The following CHN2 variants were observed in gnomAD, a reference collection of about 807,000 sequenced individuals.
CHN2 encodes beta-chimaerin.
In CHN2, 35 loss-of-function variants were observed where a neutral mutation model predicts 56.3. The ratio of observed to expected loss-of-function variants is 0.62; its 90% confidence interval spans 0.47 to 0.82. The LOEUF (loss-of-function observed/expected upper bound fraction) is 0.82. CHN2 is among the 40% of genes least tolerant of loss of function. The pLI, the probability that CHN2 is intolerant of heterozygous loss-of-function variation, is 0.00. For missense variants in CHN2, 491 were observed against 580.5 expected (o/e 0.85, Z 1.58); for synonymous variants, 210 against 212.8 (o/e 0.99, Z 0.12).
At chr7:29,472,405 G>A (rs1348096205) in intron 6 of CHN2, among the ~76,000 whole-genome samples, 2 of 152,062 alleles carry the variant, frequency 1.3e-5, no homozygotes, top group Non-Finnish European at 2.9e-5. Flanking sequence ...TGAAAACAAA[G>A]GAAAGTGTAG....
At chr7:29,243,187 A>G (rs1052061422) in intron 1 of CHN2, among the ~76,000 whole-genome samples, 3 of 152,116 alleles carry the variant, frequency 2.0e-5, no homozygotes, top group South Asian at 2.1e-4. Context: ...AATTTTTTCA[A>G]TTTTTTTAAT....
In CHN2 at chr7:29,297,218, C is replaced by T. The variant is rs191487110; in HGVS notation, c.50-57407C>T. 2.0e-5 allele frequency among the ~76,000 whole-genome samples: 3 copies of T among 152,314 alleles called. No individual in the cohort carries two copies. In the East Asian group the frequency reaches 5.8e-4, roughly 29 times the overall value. Reference sequence around the variant, plus strand: ...TTGAATCCCAGGTTCCACCCTGGAACAGGAGGGGCCAGGCTCCTCGCCCCT... The same window carrying T: ...TTGAATCCCAGGTTCCACCCTGGAATAGGAGGGGCCAGGCTCCTCGCCCCT... On this transcript the variant is annotated intron_variant, in intron 1 of 12. Transcript: ENST00000222792.
At chr7:29,362,425 G>T (rs1798810071) in intron 2 of CHN2, among the ~76,000 whole-genome samples, 1 of 152,214 alleles carries the variant, frequency 6.6e-6, no homozygotes, top group Admixed American at 6.5e-5. Flanking sequence ...GAAAAGGGCA[G>T]CATTTCTTCT....
intron 7 of CHN2, among the ~76,000 whole-genome samples, chr7:29,487,501 T>G (rs2128555028): frequency 6.6e-6 from 1 of 152,264 alleles, no homozygotes; most frequent in East Asian, 1.9e-4. Flanking sequence ...TTTCAAGTAA[T>G]ATAACCCCTG....
intron 2 of CHN2, among the ~76,000 whole-genome samples, chr7:29,175,896 A>G (rs926367378): frequency 3.3e-5 from 5 of 152,188 alleles, no homozygotes; most frequent in African/African-American, 1.2e-4. Flanking sequence ...CATAATTGAA[A>G]AAAAGACCAG....
chr7:29,209,972 G>A (rs1784793664), intron 1 of CHN2, among the ~76,000 whole-genome samples: 1 of 152,142 alleles, frequency 6.6e-6, no homozygotes. Context: ...TAAGTCTATG[G>A]TAGTTCTTTC....
chr7:29,233,927 G>C (rs533646157), intron 1 of CHN2, among the ~76,000 whole-genome samples: 4 of 130,258 alleles, frequency 3.1e-5, no homozygotes, highest in South Asian at 2.7e-4. Context: ...TCCGCCTCCC[G>C]GGTTCACGCC....
At chr7:29,217,489 A>C (rs927410201) in intron 1 of CHN2, among the ~76,000 whole-genome samples, 1 of 152,226 alleles carries the variant, frequency 6.6e-6, no homozygotes, top group Admixed American at 6.5e-5. Context: ...TAATACAAGC[A>C]CTTGGCACTT....
At chr7:29,155,551 C>T (rs73304186) in intron 2 of CHN2, among the ~76,000 whole-genome samples, 8,704 of 152,196 alleles carry the variant, frequency 0.057, 620 homozygotes, top group East Asian at 0.17. Flanking sequence ...TACTGAGTGT[C>T]AGAACTGGAA....
At chr7:29,350,703 C>T (rs1018110369) in intron 1 of CHN2, among the ~76,000 whole-genome samples, 7 of 152,106 alleles carry the variant, frequency 4.6e-5, no homozygotes, top group African/African-American at 1.4e-4. Flanking sequence ...AGGATCAGGG[C>T]GAGGTGATGT....
Position 29,398,374 on chromosome 7 carries a change from T to C in CHN2, c.178T>C (p.Phe60Leu). 1 of 1,610,024 alleles carries C rather than the reference T, an allele frequency of 6.2e-7. No homozygotes were observed. The highest frequency in any genetic ancestry group is 1.3e-5 in the African/African-American group (1 of 74,972). Reference protein sequence around the residue: ...ENRPKYYGREFHGIISREQAD... With the variant: ...ENRPKYYGRELHGIISREQAD... ...GCATTGATGGTCTTGTACCTTCAGG[T>C]TTCATGGGATCATCTCTCGGGAGCA... Residue 60 changes from phenylalanine (F) to leucine (L), a missense_variant and splice_region_variant, in exon 5 of 13, where the codon TTT (phenylalanine) becomes CTT (leucine). Transcript: ENST00000222792.
chr7:29,511,462 A>G (rs1036727152), intron 12 of CHN2, among the ~76,000 whole-genome samples: 10 of 152,218 alleles, frequency 6.6e-5, no homozygotes, highest in East Asian at 5.8e-4. Context: ...TTAAATGCCA[A>G]TAATACTGTA....
chr7:29,149,225 C>T (rs1325338378), intron 2 of CHN2, among the ~76,000 whole-genome samples: 8 of 109,378 alleles, frequency 7.3e-5, no homozygotes, highest in Non-Finnish European at 1.2e-4. Flanking sequence ...CAGAGTCTTA[C>T]TGTGCCGCCC....
intron 1 of CHN2, among the ~76,000 whole-genome samples, chr7:29,313,062 T>C (rs1359098449): frequency 2.6e-5 from 4 of 152,124 alleles, no homozygotes; most frequent in Non-Finnish European, 5.9e-5. Flanking sequence ...CTTTTACATG[T>C]ATTCTTTTTT....
intron 1 of CHN2, among the ~76,000 whole-genome samples, chr7:29,207,258 G>A (rs1784585225): frequency 6.6e-6 from 1 of 152,176 alleles, no homozygotes; most frequent in Non-Finnish European, 1.5e-5. Flanking sequence ...CAATCAGATG[G>A]GAGGCATTTC....
rs934515022 is a variant in CHN2, at chr7:29,355,701, C to T, written c.88+1038C>T. 1.8e-4 allele frequency among the ~76,000 whole-genome samples: 28 copies of T among 151,492 alleles called. 1 individual carries two copies. The highest frequency in any genetic ancestry group is 6.8e-4 in the African/African-American group (28 of 41,230). On this transcript the variant is annotated intron_variant, in intron 2 of 12. Transcript: ENST00000222792. ...AGGGTTACCACTCCCCATCAAGAACCTGCCCTGTGCTGGCCACCGCACCAA... is the reference window on the plus strand; with the variant it reads ...AGGGTTACCACTCCCCATCAAGAACTTGCCCTGTGCTGGCCACCGCACCAA...
At chr7:29,252,093 C>G (rs1350794154) in intron 1 of CHN2, among the ~76,000 whole-genome samples, 5 of 151,876 alleles carry the variant, frequency 3.3e-5, no homozygotes, top group Admixed American at 2.6e-4. Flanking sequence ...AATGTCCCCC[C>G]AAATTTATGT....
At chr7:29,501,846 A>T (rs1032710075) in intron 9 of CHN2, among the ~76,000 whole-genome samples, 1 of 152,158 alleles carries the variant, frequency 6.6e-6, no homozygotes, top group African/African-American at 2.4e-5. Flanking sequence ...TCTCTGCGTG[A>T]TGTGGCAGAG....
intron 1 of CHN2, among the ~76,000 whole-genome samples, chr7:29,256,735 T>G (rs1370103633): frequency 5.3e-5 from 8 of 152,210 alleles, no homozygotes. Flanking sequence ...GCTGTCCATG[T>G]GGGCTCCAGG....
Sources: gnomAD v4.1 joint callset for allele counts (sites outside exome capture counted in the v4.1 genomes callset) on GRCh38, gnomAD v4.1.1 for gene constraint, MANE v1.5 for transcripts, NCBI Gene and HGNC (gene_info 2026-07-23, HGNC 2026-07-21) for gene names.